ACSL1: variants seen among roughly 807,000 people sequenced by gnomAD.
ACSL1 encodes the protein long-chain-fatty-acid--CoA ligase 1.
Under a neutral mutation model 98.4 loss-of-function variants are expected in ACSL1, and 41 were observed. The ratio of observed to expected loss-of-function variants is 0.42; its 90% confidence interval spans 0.32 to 0.54. The LOEUF is 0.54. ACSL1 is among the 20% of genes least tolerant of loss of function. The probability of loss-of-function intolerance (pLI) is 0.13; values close to 1 mark genes in which losing one functional copy is unlikely to be tolerated. For missense variants in ACSL1, 734 were observed against 883.1 expected (o/e 0.83, Z 2.14); for synonymous variants, 316 against 322.7 (o/e 0.98, Z 0.22).
chr4:184,760,124 G>A (rs1199216505), intron 18 of ACSL1, among the ~76,000 whole-genome samples: 1 of 152,032 alleles, frequency 6.6e-6, no homozygotes, highest in African/African-American at 2.4e-5. Flanking sequence ...CCTCCCCTTG[G>A]TACATCAGAC....
intron 2 of ACSL1, among the ~76,000 whole-genome samples, chr4:184,797,387 C>T (rs374943604): frequency 2.6e-5 from 4 of 152,162 alleles, no homozygotes; most frequent in African/African-American, 7.2e-5. Context: ...AGTATGGTTA[C>T]GTGGAAATGA....
At chr4:184,782,247 G>T (rs1308938731) in intron 4 of ACSL1, among the ~76,000 whole-genome samples, 3 of 136,780 alleles carry the variant, frequency 2.2e-5, no homozygotes, top group Non-Finnish European at 3.1e-5. Flanking sequence ...TATATTTCTA[G>T]ATCGGTCATA....
At chr4:184,789,875 G>A (rs995798623) in intron 2 of ACSL1, among the ~76,000 whole-genome samples, 4 of 98,872 alleles carry the variant, frequency 4.0e-5, no homozygotes, top group Admixed American at 1.3e-4. Context: ...TATGACGTTA[G>A]AGCCTACCTT....
At chr4:184,816,971 A>T (rs1388445263) in intron 1 of ACSL1, among the ~76,000 whole-genome samples, 1 of 152,164 alleles carries the variant, frequency 6.6e-6, no homozygotes, top group Non-Finnish European at 1.5e-5. Context: ...TCAATTTGCA[A>T]ATATTGAGGA....
chr4:184,789,086 G>C (rs988375593), intron 2 of ACSL1, among the ~76,000 whole-genome samples: 2 of 152,330 alleles, frequency 1.3e-5, no homozygotes, highest in East Asian at 1.9e-4. Context: ...CACCCCTCTA[G>C]GCGGCCACCT....
At chr4:184,788,391 G>A (rs1767771898) in intron 3 of ACSL1, 2 of 643,202 alleles carry the variant, frequency 3.1e-6, no homozygotes, top group Non-Finnish European at 2.9e-6. Flanking sequence ...TAAAATACAG[G>A]ATGTGACACT....
chr4:184,825,328 G>GT lies in ACSL1; in HGVS notation c.-33+587_-33+588insA. 1.2e-6 allele frequency: 1 copy of GT among 823,584 alleles called. No individual in the cohort carries two copies. The highest frequency in any genetic ancestry group is 1.5e-6 in the Non-Finnish European group (1 of 682,144). The allele number at this position is 823,584 out of a possible 1,614,324, so 51.0% of individuals were successfully genotyped here. A position where few individuals can be genotyped will look rare whatever the true frequency, so the allele number is the denominator to read the frequency against. ...TCAATGACTCCACGGCCAAGTGCAA[G>GT]GGCCACGGGCACTCCTCTGGAGTCA... On this transcript the variant is annotated intron_variant, in intron 1 of 20. Coordinates refer to ENST00000281455, the MANE Select transcript of ACSL1 (RefSeq NM_001995.5). This position sits in a 1 kb window ranked among gnomAD's most constrained non-coding sequence, Gnocchi z 4.7.
rs569889960 is a variant in ACSL1 at position 184,776,548 on chromosome 4, C to T, written c.692G>A (p.Gly231Asp). The change falls in exon 7 of 21, where the codon GGC becomes GAC. Residue 231 changes from glycine (G) to aspartate (D), a missense_variant. Physicochemically the swap from Gly to Asp is moderately conservative, Grantham distance 94. Transcript: ENST00000281455. ...LKIIVVMDAY[G>D]SELVERGQRC... is the part of the protein sequence containing the mutation. ...CTGGCCTCGTTCCACCAGTTCACTG[C>T]CGTAGGCATCCATGACAACTATGAT... 2.8e-5 allele frequency: 46 copies of T among 1,614,166 alleles called. No homozygotes were observed. The South Asian group carries it at 4.0e-4, about 14-fold the overall frequency.
At chr4:184,810,559 T>C (rs890986787) in intron 1 of ACSL1, among the ~76,000 whole-genome samples, 1 of 152,142 alleles carries the variant, frequency 6.6e-6, no homozygotes, top group African/African-American at 2.4e-5. Flanking sequence ...GAGGGTTGCA[T>C]GGAGAAGGCA....
rs780932100 is a variant in ACSL1 at position 184,780,384 on chromosome 4, A to G, written c.425T>C (p.Phe142Ser). 6.2e-7 allele frequency: 1 copy of G among 1,613,830 alleles called. No homozygotes were observed. Among genetic ancestry groups the G allele is most frequent in the Non-Finnish European group, 8.5e-7 (1 of 1,179,950 alleles). The change falls in exon 5 of 21, where the codon TTC (phenylalanine) becomes TCC (serine). Residue 142 changes from phenylalanine (F) to serine (S), a missense_variant. By Grantham distance (155) the Phe-to-Ser change is radical. Coordinates refer to ENST00000281455, the MANE Select transcript of ACSL1 (RefSeq NM_001995.5). ...CIGSALIQKG[F>S]KTAPDQFIGI... ...AATGAACTGATCTGGGGCAGTCTTG[A>G]AGCCCTTCTGGATCAGTGCTGAGCC...
Position 184,803,507 on chromosome 4 carries a change from G to C in ACSL1, c.8C>G (p.Ala3Gly). Residue 3 changes from alanine (A) to glycine (G), a missense_variant, in exon 2 of 21, where the codon GCC becomes GGC. By Grantham distance (60) the Ala-to-Gly change is moderately conservative. Coordinates refer to ENST00000281455, the MANE Select transcript of ACSL1 (RefSeq NM_001995.5). This position sits in a 1 kb window ranked among gnomAD's most constrained non-coding sequence, Gnocchi z 4.8. MQ[A>G]HELFRYFRMP... is the part of the protein sequence containing the mutation. Reference sequence around the variant, plus strand: ...TCGAAAATACCGGAACAGCTCATGGGCTTGCATTGTCCTGTGTTGATAGTT... The same window carrying C: ...TCGAAAATACCGGAACAGCTCATGGCCTTGCATTGTCCTGTGTTGATAGTT... The C allele has an allele frequency of 6.3e-7, 1 of 1,585,514 alleles. No individual in the cohort carries two copies. The highest frequency in any genetic ancestry group is 8.6e-7 in the Non-Finnish European group (1 of 1,164,194).
chr4:184,779,746 TGTTA>T (rs1455181212), intron 5 of ACSL1, among the ~76,000 whole-genome samples: 1 of 152,210 alleles, frequency 6.6e-6, no homozygotes, highest in Non-Finnish European at 1.5e-5. Flanking sequence ...AAGACTCCTT[TGTTA>T]GTTATCTGTT....
intron 11 of ACSL1, 92 bp downstream of exon 11, chr4:184,770,307 T>C: frequency 6.4e-7 from 1 of 1,565,772 alleles, no homozygotes; most frequent in Non-Finnish European, 8.6e-7. Flanking sequence ...AATGTGTGTG[T>C]CACTGGCACT....
rs746454057 is a variant in ACSL1, at chr4:184,766,133, T to C, written c.1264-147A>G. On this transcript the variant is annotated intron_variant, in intron 13 of 20. Transcript: ENST00000281455. The surrounding 1 kb of genome is among the most constrained non-coding windows in gnomAD (Gnocchi z 4.8). The stretch of plus-strand genomic sequence containing the variant: ...CCACACGGAGAACTCACAGCCCTCA[T>C]GATGGCAGCACAGGGCTACGGTTTG... 2.3e-5 allele frequency: 16 copies of C among 704,788 alleles called. No homozygotes were observed. Among genetic ancestry groups the C allele is most frequent in the Non-Finnish European group, 3.4e-5 (14 of 415,900 alleles). 43.7% of individuals were successfully genotyped at this position (704,788 alleles called of 1,614,324 possible). A position where few individuals can be genotyped will look rare whatever the true frequency, so the allele number is the denominator to read the frequency against.
chr4:184,794,522 T>C (rs543231452), intron 2 of ACSL1, among the ~76,000 whole-genome samples: 16 of 152,220 alleles, frequency 1.1e-4, no homozygotes, highest in African/African-American at 3.6e-4. Context: ...GGCAGAACTA[T>C]CCTGACACTG....
rs536512633 is a variant in ACSL1 at position 184,824,406 on chromosome 4, G to A, written c.-33+1510C>T. On this transcript the variant is annotated intron_variant, in intron 1 of 20. Transcript: ENST00000281455. ...TCTCCCAAAGTGCTGGGATTACAGT[G>A]AGCCACCACGCCTGTCTGGGTAATT... Among the ~76,000 whole-genome samples the A allele has an allele frequency of 2.6e-5, 4 of 151,918 alleles. No homozygotes were observed. In the East Asian group the frequency reaches 7.7e-4, roughly 29 times the overall value.
intron 2 of ACSL1, among the ~76,000 whole-genome samples, chr4:184,800,498 C>T (rs558022701): frequency 2.0e-5 from 3 of 152,304 alleles, no homozygotes; most frequent in South Asian, 2.1e-4. Flanking sequence ...CAGGCTAAAC[C>T]GGAACACTGG....
rs969149425 is a variant in ACSL1 at position 184,765,778 on chromosome 4, T to G, written c.1359+113A>C. Reference sequence around the variant, plus strand: ...TGTTACGCCATAAATATAGATACGCTTGTCAATTAAGAAAGAACACACACA... The same window carrying G: ...TGTTACGCCATAAATATAGATACGCGTGTCAATTAAGAAAGAACACACACA... On this transcript the variant is annotated intron_variant, in intron 14 of 20. Coordinates refer to ENST00000281455, the MANE Select transcript of ACSL1 (RefSeq NM_001995.5). The G allele has an allele frequency of 8.5e-6, 7 of 819,070 alleles. No individual in the cohort carries two copies. The African/African-American group carries it at 1.0e-4, about 12-fold the overall frequency. 50.7% of individuals were successfully genotyped at this position (819,070 alleles called of 1,614,324 possible). A position where few individuals can be genotyped will look rare whatever the true frequency, so the allele number is the denominator to read the frequency against.
upstream of ACSL1, chr4:184,826,209 G>T (rs903600118): frequency 6.0e-5 from 9 of 150,980 alleles, no homozygotes; most frequent in Admixed American, 4.6e-4. Flanking sequence ...GCCGGCGGTC[G>T]AGAGGCTGCG....
Sources: gnomAD v4.1 joint callset for allele counts (sites outside exome capture counted in the v4.1 genomes callset) on GRCh38, gnomAD v4.1.1 for gene constraint, Gnocchi (gnomAD v3.1) non-coding constraint, MANE v1.5 for transcripts, NCBI Gene and HGNC (gene_info 2026-07-23, HGNC 2026-07-21) for gene names.